The following FBXL20 variants were observed in gnomAD, a reference collection of about 807,000 sequenced individuals.
The protein encoded by FBXL20 is F-box/LRR-repeat protein 20.
In FBXL20, 11 loss-of-function variants were observed where a neutral mutation model predicts 64.0. The ratio of observed to expected loss-of-function variants is 0.17; its 90% confidence interval spans 0.11 to 0.28. FBXL20 has a LOEUF of 0.28. Among genes scored for constraint, FBXL20 ranks in the 10% least tolerant of loss-of-function variants. FBXL20 has a pLI of 1.00. For synonymous variants in FBXL20, 184 were observed against 189.0 expected (o/e 0.97, Z 0.22); for missense variants, 303 against 526.2 (o/e 0.58, Z 4.15).
Position 39,354,679 on chromosome 17 carries a change from G to A in FBXL20, c.43-11438C>T, listed in dbSNP as rs1230108784. On this transcript the variant is annotated intron_variant, in intron 1 of 14. Transcript: ENST00000264658. ...GACTGTAAATTCCCAGCAGCCTTTT[G>A]TGGCTTTTTCACTACGTATCTCTAT... Among the ~76,000 whole-genome samples, 4 of 152,100 alleles carry A rather than the reference G, an allele frequency of 2.6e-5. No individual in the cohort carries two copies. The East Asian group carries it at 7.7e-4, about 29-fold the overall frequency.
chr17:39,339,915 G>A (rs752525677), intron 2 of FBXL20, among the ~76,000 whole-genome samples: 2 of 151,982 alleles, frequency 1.3e-5, no homozygotes, highest in Non-Finnish European at 2.9e-5. Flanking sequence ...CAAAGTGCTG[G>A]GATTACAGGC....
chr17:39,254,508 T>C lies in FBXL20; in HGVS notation c.*6952A>G, dbSNP rs1431525922. The C allele has an allele frequency of 6.5e-6, 1 of 154,462 alleles. No individual in the cohort carries two copies. Among genetic ancestry groups the C allele is most frequent in the Non-Finnish European group, 1.5e-5 (1 of 68,218 alleles). 9.6% of individuals were successfully genotyped at this position (154,462 alleles called of 1,614,324 possible). A position where few individuals can be genotyped will look rare whatever the true frequency, so the allele number is the denominator to read the frequency against. ...TGTCATTTACTGCTCACTTCTCTAGTCCTAGTACCAAAACCATGCCCAGAT... is the reference window on the plus strand; with the variant it reads ...TGTCATTTACTGCTCACTTCTCTAGCCCTAGTACCAAAACCATGCCCAGAT... On this transcript the variant is annotated 3_prime_UTR_variant, in exon 15 of 15. Transcript: ENST00000264658.
chr17:39,311,362 A>AT (rs2047234053), intron 2 of FBXL20, among the ~76,000 whole-genome samples: 1 of 151,190 alleles, frequency 6.6e-6, no homozygotes, highest in African/African-American at 2.4e-5. Flanking sequence ...AGCATTTCTG[A>AT]TTTTTTCTTA....
intron 1 of FBXL20, among the ~76,000 whole-genome samples, chr17:39,350,063 C>A (rs538554674): frequency 2.6e-5 from 4 of 152,050 alleles, no homozygotes; most frequent in Non-Finnish European, 4.4e-5. Flanking sequence ...AAAACTTAAT[C>A]ATTTTAATTT....
intron 1 of FBXL20, among the ~76,000 whole-genome samples, chr17:39,367,325 T>A: frequency 6.6e-6 from 1 of 151,322 alleles, no homozygotes; most frequent in Non-Finnish European, 1.5e-5. Flanking sequence ...TTTTCTTTTT[T>A]TTTTTTTTGG....
chr17:39,286,099 T>A (rs1213296302), intron 6 of FBXL20, among the ~76,000 whole-genome samples: 1 of 152,248 alleles, frequency 6.6e-6, no homozygotes, highest in Non-Finnish European at 1.5e-5. Context: ...TAAAGACTTT[T>A]TTCTGCTGGT....
intron 2 of FBXL20, among the ~76,000 whole-genome samples, chr17:39,309,754 T>C (rs1405022688): frequency 2.8e-5 from 4 of 140,968 alleles, no homozygotes; most frequent in Non-Finnish European, 3.0e-5. Flanking sequence ...ATCATGCCGC[T>C]GCACTCCAGC....
chr17:39,351,951 T>C (rs1326427253), intron 1 of FBXL20, among the ~76,000 whole-genome samples: 1 of 152,240 alleles, frequency 6.6e-6, no homozygotes, highest in Non-Finnish European at 1.5e-5. Context: ...ATAACGTACA[T>C]AGCTGAGGAA....
chr17:39,361,008 A>G (rs574045376), intron 1 of FBXL20, among the ~76,000 whole-genome samples: 17 of 152,170 alleles, frequency 1.1e-4, no homozygotes, highest in Admixed American at 1.1e-3. Context: ...GCTTCTTGAC[A>G]CCCGTTCAGC....
chr17:39,355,790 G>A (rs543359081), intron 1 of FBXL20, among the ~76,000 whole-genome samples: 1 of 145,710 alleles, frequency 6.9e-6, no homozygotes, highest in South Asian at 2.1e-4. Context: ...AGGAGGCAGA[G>A]GTTGCAGTGA....
In FBXL20 at chr17:39,266,154, C is replaced by T. The variant is rs149318732; in HGVS notation, c.934-701G>A. ...CATGATCTCAGCTCACTGCAACCTC[C>T]ACCTCCCAGGTTCAAGTGATTCTTG... is the stretch of plus-strand genomic sequence containing the variant. On this transcript the variant is annotated intron_variant, in intron 12 of 14. Transcript: ENST00000264658. Among the ~76,000 whole-genome samples the T allele has an allele frequency of 3.8e-3, 572 of 149,668 alleles. 6 individuals carry two copies. The highest frequency in any genetic ancestry group is 0.013 in the African/African-American group (547 of 40,534).
chr17:39,401,293 G>A lies in FBXL20; in HGVS notation c.42+68C>T, dbSNP rs1597844733. 5 of 1,609,892 alleles carry A rather than the reference G, an allele frequency of 3.1e-6. No individual in the cohort carries two copies. In the Admixed American group the frequency reaches 5.0e-5, roughly 16 times the overall value. On this transcript the variant is annotated intron_variant, in intron 1 of 14. Transcript: ENST00000264658. ...TGCCAGGGAGGAGGCTCCGTGCGGAGCGGACGTTTTGGGATTAGAGCGCGC... is the reference window on the plus strand; with the variant it reads ...TGCCAGGGAGGAGGCTCCGTGCGGAACGGACGTTTTGGGATTAGAGCGCGC...
At chr17:39,335,582 CAAAAAA>C (rs36023380) in intron 2 of FBXL20, among the ~76,000 whole-genome samples, 3 of 77,366 alleles carry the variant, frequency 3.9e-5, no homozygotes, top group Admixed American at 1.6e-4. Flanking sequence ...GACTCCGTCT[CAAAAAA>C]AAAAAAAAAA....
At chr17:39,285,704 C>A in intron 6 of FBXL20, 131 bp from the exon 7 acceptor site, 1 of 419,902 alleles carries the variant, frequency 2.4e-6, no homozygotes, top group South Asian at 5.8e-5. Context: ...CCTAAAAAAG[C>A]AGTTATATAT....
rs117466207 is a variant in FBXL20, at chr17:39,368,618, G to A, written c.43-25377C>T. Among the ~76,000 whole-genome samples, 128 of 152,080 alleles carry A rather than the reference G, an allele frequency of 8.4e-4. 3 individuals are homozygous for A. In the East Asian group the frequency reaches 0.022, roughly 26 times the overall value. On this transcript the variant is annotated intron_variant, in intron 1 of 14. Coordinates refer to ENST00000264658, the MANE Select transcript of FBXL20 (RefSeq NM_032875.3). ...AACAACAAAGGGTGTAGTTTCCTCC[G>A]CTTAGCTAAATCACTTAACACCCTT... is the stretch of plus-strand genomic sequence containing the variant.
At chr17:39,266,031 C>G (rs1388514715) in intron 12 of FBXL20, among the ~76,000 whole-genome samples, 1 of 150,198 alleles carries the variant, frequency 6.7e-6, no homozygotes, top group Admixed American at 6.7e-5. Context: ...CAGGTGTGAA[C>G]CACTGCATGT....
At chr17:39,339,740 A>T (rs2047563846) in intron 2 of FBXL20, among the ~76,000 whole-genome samples, 1 of 151,420 alleles carries the variant, frequency 6.6e-6, no homozygotes, top group Admixed American at 6.6e-5. Context: ...CTCCACCTGC[A>T]GGGTTCGATT....
intron 2 of FBXL20, among the ~76,000 whole-genome samples, chr17:39,318,197 C>T (rs2047315404): frequency 6.6e-6 from 1 of 151,932 alleles, no homozygotes; most frequent in African/African-American, 2.4e-5. Context: ...CTTTTGTGTT[C>T]GTTGGAGTTA....
Position 39,338,025 on chromosome 17 carries a change from G to A in FBXL20, c.104+5155C>T, listed in dbSNP as rs530462519. On this transcript the variant is annotated intron_variant, in intron 2 of 14. Coordinates refer to ENST00000264658, the MANE Select transcript of FBXL20 (RefSeq NM_032875.3). Reference sequence around the variant, plus strand: ...AGCCCCTCTGCCCGGCCACCACCCCGTCTGGGAGCTGTACCCAACAGCTCA... The same window carrying A: ...AGCCCCTCTGCCCGGCCACCACCCCATCTGGGAGCTGTACCCAACAGCTCA... Among the ~76,000 whole-genome samples the A allele has an allele frequency of 1.1e-3, 170 of 152,306 alleles. 2 individuals are homozygous for A. Among genetic ancestry groups the A allele is most frequent in the African/African-American group, 3.9e-3 (161 of 41,574 alleles).
Sources: gnomAD v4.1 joint callset for allele counts (sites outside exome capture counted in the v4.1 genomes callset) on GRCh38, gnomAD v4.1.1 for gene constraint, MANE v1.5 for transcripts, NCBI Gene and HGNC (gene_info 2026-07-23, HGNC 2026-07-21) for gene names.